The following MMADHC variants were observed in gnomAD, a reference collection of about 807,000 sequenced individuals.
MMADHC encodes cobalamin trafficking protein CblD.
A neutral mutation model predicts 36.3 loss-of-function variants in MMADHC; 23 were observed. The ratio of observed to expected loss-of-function variants is 0.63; its 90% CI spans 0.46 to 0.90. MMADHC has a LOEUF of 0.90. MMADHC is among the 40% of genes least tolerant of loss of function. The pLI, the probability that MMADHC is intolerant of heterozygous loss-of-function variation, is 0.00. For missense variants in MMADHC, 330 were observed against 348.0 expected, an observed-to-expected ratio of 0.95 and a Z score of 0.41; for synonymous variants, 97 against 116.1, an observed-to-expected ratio of 0.84 and a Z score of 1.06.
chr2:149,584,601 A>T (rs758939731), intron 2 of MMADHC, among the ~76,000 whole-genome samples: 2 of 152,252 alleles, frequency 1.3e-5, no homozygotes, highest in Non-Finnish European at 2.9e-5. Flanking sequence ...CAAAAGTTAT[A>T]TAATAAAATA....
intron 6 of MMADHC, 31 bp downstream of exon 6, chr2:149,575,680 A>G: frequency 1.9e-6 from 3 of 1,546,424 alleles, no homozygotes; most frequent in Non-Finnish European, 2.6e-6. Flanking sequence ...AATGACCATA[A>G]AATTAAATTA....
At chr2:149,575,382 AGATGAAGGGG>A (rs1682698864) in intron 6 of MMADHC, among the ~76,000 whole-genome samples, 2 of 32,484 alleles carry the variant, frequency 6.2e-5, no homozygotes, top group South Asian at 4.1e-3. Flanking sequence ...GAAGATGGGG[AGATGAAGGGG>A]GAGATGGAGA....
At chr2:149,575,191 G>A (rs2105045063) in intron 6 of MMADHC, among the ~76,000 whole-genome samples, 1 of 152,278 alleles carries the variant, frequency 6.6e-6, no homozygotes, top group African/African-American at 2.4e-5. Context: ...TGTAAGCATG[G>A]AAACATGTCA....
intron 6 of MMADHC, among the ~76,000 whole-genome samples, chr2:149,575,111 TAA>T (rs1196137837): frequency 6.6e-6 from 1 of 152,144 alleles, no homozygotes; most frequent in Non-Finnish European, 1.5e-5. Context: ...TTAAATAAAT[TAA>T]AAAGTTTATG....
At chr2:149,570,286 GTAAA>G (rs1682620632) in intron 7 of MMADHC, 118 bp from the exon 8 acceptor site, 1 of 896,352 alleles carries the variant, frequency 1.1e-6, no homozygotes, top group African/African-American at 1.7e-5. Context: ...AACTAAATAA[GTAAA>G]AAGTCACATG....
rs867390509 is a variant in MMADHC, at chr2:149,576,312, C to A, written c.478+125G>T. Reference sequence around the variant, plus strand: ...AAAGCCTTTATCTTGGCCATGCAATCATTTCCAGCCAGATACGGTAAAATA... The same window carrying A: ...AAAGCCTTTATCTTGGCCATGCAATAATTTCCAGCCAGATACGGTAAAATA... On this transcript the variant is annotated intron_variant, in intron 5 of 7. Transcript: ENST00000303319. The A allele has an allele frequency of 8.1e-5, 59 of 730,410 alleles. No homozygotes were observed. In the African/African-American group the frequency reaches 8.7e-4, roughly 11 times the overall value. 45.2% of individuals were successfully genotyped at this position (730,410 alleles called of 1,614,324 possible).
chr2:149,578,982 GTTCC>G (rs1682756047), intron 4 of MMADHC, among the ~76,000 whole-genome samples: 2 of 146,156 alleles, frequency 1.4e-5, no homozygotes, highest in Admixed American at 6.9e-5. Context: ...TATGAAACTG[GTTCC>G]TTTTTTTTTT....
intron 1 of MMADHC, 24 bp from the exon 2 acceptor site, chr2:149,587,173 GAC>G: frequency 7.0e-7 from 1 of 1,429,470 alleles, no homozygotes; most frequent in East Asian, 2.3e-5. Context: ...CAACAAAACA[GAC>G]GAGTGATCGA....
rs1421356071 is a variant in MMADHC at position 149,587,667 on chromosome 2, T to C, written c.-56A>G. On this transcript the variant is annotated 5_prime_UTR_variant, in exon 1 of 8. It removes the in-frame stop codon of an upstream open reading frame in the 5' UTR. Coordinates refer to ENST00000303319, the MANE Select transcript of MMADHC (RefSeq NM_015702.3). ...CATGGGCGGAAACCATCCGTACCAGTCACCACCACTGTCTCCAGCTGTCCC... is the reference window on the plus strand; with the variant it reads ...CATGGGCGGAAACCATCCGTACCAGCCACCACCACTGTCTCCAGCTGTCCC... The C allele has an allele frequency of 6.4e-6, 1 of 157,024 alleles. No homozygotes were observed. The highest frequency in any genetic ancestry group is 2.4e-5 in the African/African-American group (1 of 41,512). The allele number at this position is 157,024 out of a possible 1,614,324, so 9.7% of individuals were successfully genotyped here.
At chr2:149,573,869 T>C (rs1050784926) in intron 6 of MMADHC, among the ~76,000 whole-genome samples, 1 of 52,258 alleles carries the variant, frequency 1.9e-5, no homozygotes, top group African/African-American at 3.3e-5. Flanking sequence ...GAATCTCAAA[T>C]TAAAACAAAA....
Position 149,570,160 on chromosome 2 carries a change from T to C in MMADHC, c.705A>G (p.Gly235=), listed in dbSNP as rs1265161506. The part of the protein sequence containing the change: ...IDPSSGLAFF[G]PYTNNTLFET... ...CAAAAAGAGTGTTGTTTGTATATGG[T>C]CCAAAAAACTGAGGAAATAAAAACG... Residue 235 remains glycine (G), a synonymous_variant, in exon 8 of 8, where the codon GGA becomes GGG. Coordinates refer to ENST00000303319, the MANE Select transcript of MMADHC (RefSeq NM_015702.3). The C allele has an allele frequency of 1.2e-6, 2 of 1,613,098 alleles. No individual in the cohort carries two copies. Among genetic ancestry groups the C allele is most frequent in the Non-Finnish European group, 1.7e-6 (2 of 1,179,436 alleles).
intron 2 of MMADHC, chr2:149,586,874 A>G: frequency 1.7e-6 from 1 of 590,300 alleles, no homozygotes; most frequent in African/African-American, 1.9e-5. Flanking sequence ...ACATCTGTAC[A>G]AATGAAATTG....
intron 4 of MMADHC, 48 bp downstream of exon 4, chr2:149,579,383 A>G: frequency 6.7e-7 from 1 of 1,502,732 alleles, no homozygotes; most frequent in Non-Finnish European, 9.3e-7. Context: ...ATCAAGTCAT[A>G]TAGCATTAAT....
chr2:149,584,958 A>C (rs1682844879), intron 2 of MMADHC, among the ~76,000 whole-genome samples: 2 of 151,714 alleles, frequency 1.3e-5, no homozygotes, highest in Non-Finnish European at 1.5e-5. Flanking sequence ...CAGGAGAATT[A>C]CTTGAACCCA....
At position 149,570,060 on chromosome 2, in the gene MMADHC, G is replaced by C; in HGVS notation, c.805C>G (p.Leu269Val). 1 of 1,613,672 alleles carries C rather than the reference G, an allele frequency of 6.2e-7. No homozygotes were observed. Among genetic ancestry groups the C allele is most frequent in the Non-Finnish European group, 8.5e-7 (1 of 1,179,660 alleles). The part of the protein sequence containing the change: ...LGCCKVIRHS[L>V]WGTHVVVGSI... ...CCTACAACTACATGGGTACCCCAGAGACTATGACGAATCACTTTACAGCAT... is the reference window on the plus strand; with the variant it reads ...CCTACAACTACATGGGTACCCCAGACACTATGACGAATCACTTTACAGCAT... The change falls in exon 8 of 8, where the codon CTC (leucine) becomes GTC (valine). Residue 269 changes from leucine to valine, a missense_variant. Coordinates refer to ENST00000303319, the MANE Select transcript of MMADHC (RefSeq NM_015702.3).
intron 6 of MMADHC, 92 bp downstream of exon 6, chr2:149,575,619 G>C: frequency 9.3e-7 from 1 of 1,077,108 alleles, no homozygotes; most frequent in Non-Finnish European, 1.3e-6. Context: ...ATGAATAAAG[G>C]GTGGAAATGA....
chr2:149,582,436 TTAAAAATAAAAA>T lies in MMADHC; in HGVS notation c.10-177_10-166del. On this transcript the variant is annotated intron_variant, in intron 2 of 7. Coordinates refer to ENST00000303319, the MANE Select transcript of MMADHC (RefSeq NM_015702.3). Reference sequence around the variant, plus strand: ...GAAAGCATTATATATATTTGTAATTTTAAAAATAAAAATAAAAATTAAAAAAACAAGTAATAA... The same window carrying T: ...GAAAGCATTATATATATTTGTAATTTTAAAAATTAAAAAAACAAGTAATAA... 1.3e-5 allele frequency among the ~76,000 whole-genome samples: 2 copies of T among 152,084 alleles called. 1 individual carries two copies. The highest frequency in any genetic ancestry group is 3.8e-4 in the East Asian group (2 of 5,202).
intron 6 of MMADHC, among the ~76,000 whole-genome samples, chr2:149,573,327 C>T (rs1343845223): frequency 6.6e-6 from 1 of 152,182 alleles, no homozygotes; most frequent in African/African-American, 2.4e-5. Context: ...CCTGAGCCAG[C>T]ATAAGAAAGC....
chr2:149,583,377 A>G (rs143500786), intron 2 of MMADHC, among the ~76,000 whole-genome samples: 100 of 152,290 alleles, frequency 6.6e-4, no homozygotes, highest in African/African-American at 2.2e-3. Flanking sequence ...AAGAGTGACA[A>G]ATTCAGTGAG....
Sources: gnomAD v4.1 joint callset for allele counts (sites outside exome capture counted in the v4.1 genomes callset) on GRCh38, gnomAD v4.1.1 for gene constraint, MANE v1.5 for transcripts, NCBI Gene and HGNC (gene_info 2026-07-23, HGNC 2026-07-21) for gene names.